Variants in RYR1 observed in about 807,000 individuals in gnomAD.
RYR1 encodes ryanodine receptor 1.
RYR1 carries 342 observed loss-of-function variants against 583.5 expected under a neutral mutation model. That is an observed-to-expected ratio of 0.59 (90% confidence interval 0.54 to 0.64). The LOEUF (loss-of-function observed/expected upper bound fraction) is 0.64, where lower values mean the gene tolerates loss of function less well. Ranked by LOEUF, RYR1 falls within the 30% of genes least tolerant of loss-of-function variation. The probability of loss-of-function intolerance (pLI) is 0.00; values close to 1 mark genes in which losing one functional copy is unlikely to be tolerated. For missense variants in RYR1, 6,032 were observed against 6,917.2 expected (o/e 0.87, Z 4.54); for synonymous variants, 2,791 against 2,822.5 (o/e 0.99, Z 0.35).
intron 105 of RYR1, 137 bp downstream of exon 105, chr19:38,586,713 G>A (rs929366588): frequency 5.8e-6 from 5 of 857,892 alleles, no homozygotes; most frequent in Non-Finnish European, 9.6e-6. Context: ...GCTCACGCCT[G>A]TAATCCCAAC....
chr19:38,538,133 C>T (rs1972054342), intron 84 of RYR1, among the ~76,000 whole-genome samples, 173 bp downstream of exon 84: 1 of 152,172 alleles, frequency 6.6e-6, no homozygotes, highest in Non-Finnish European at 1.5e-5. Context: ...CGCAGTGACT[C>T]AGGCCTATAA....
chr19:38,466,487 C>G (rs1049421380), intron 24 of RYR1, 89 bp downstream of exon 24: 25 of 1,211,160 alleles, frequency 2.1e-5, no homozygotes, highest in Non-Finnish European at 2.9e-5. Context: ...ACTCAGCCCC[C>G]AAATGGGCTA....
rs1438905959 is a variant in RYR1 at position 38,561,089 on chromosome 19, A to G, written c.12283-24A>G. On this transcript the variant is annotated intron_variant, in intron 89 of 105. Coordinates refer to ENST00000359596, the MANE Select transcript of RYR1 (RefSeq NM_000540.3). The surrounding 1 kb of genome is among the most constrained non-coding windows in gnomAD (Gnocchi z 4.8). ...GAATTGAGGCTCTCCAGGTCACCCC[A>G]CTGACCTCCCTGCCCGCCCCCAGGC... The G allele has an allele frequency of 6.3e-7, 1 of 1,590,454 alleles. No individual in the cohort carries two copies. Among genetic ancestry groups the G allele is most frequent in the South Asian group, 1.1e-5 (1 of 90,548 alleles).
At chr19:38,524,318 G>GC (rs56001406) in intron 70 of RYR1, among the ~76,000 whole-genome samples, 151,686 of 151,928 alleles carry the variant, frequency 1, 75,722 homozygotes, top group East Asian at 1. Flanking sequence ...CCCTCGCCGT[G>GC]GATGGTTTAA....
chr19:38,527,952 G>T, intron 73 of RYR1, 168 bp downstream of exon 73: 1 of 720,138 alleles, frequency 1.4e-6, no homozygotes, highest in Non-Finnish European at 2.2e-6. Context: ...CGGGGGAGGG[G>T]TCTGCTGCTT....
intron 96 of RYR1, among the ~76,000 whole-genome samples, chr19:38,575,617 A>G (rs1030661970): frequency 6.6e-6 from 1 of 152,086 alleles, no homozygotes; most frequent in African/African-American, 2.4e-5. Flanking sequence ...AGCCTGGCCA[A>G]CATGGCAAAA....
chr19:38,463,276 C>A, intron 20 of RYR1, 147 bp from the exon 21 acceptor site: 1 of 689,704 alleles, frequency 1.4e-6, no homozygotes, highest in Non-Finnish European at 2.6e-6. Flanking sequence ...GGAGTCAAGG[C>A]GAGGGATGGG....
rs1967928636 is a variant in RYR1, at chr19:38,463,855, G to A, written c.2786+5G>A. On this transcript the variant is annotated splice_donor_5th_base_variant and intron_variant, in intron 22 of 105. Transcript: ENST00000359596. ...GATGTCTGGGGAGACGCTCAAGTGA[G>A]GGCCCAGGGGAGCCGGGGGTTGGGG... is the stretch of plus-strand genomic sequence containing the variant. The A allele has an allele frequency of 6.2e-7, 1 of 1,612,212 alleles. No homozygotes were observed. Among genetic ancestry groups the A allele is most frequent in the Non-Finnish European group, 8.5e-7 (1 of 1,178,452 alleles).
chr19:38,467,840 C>T, intron 25 of RYR1, 28 bp downstream of exon 25: 1 of 1,608,790 alleles, frequency 6.2e-7, no homozygotes, highest in Non-Finnish European at 8.5e-7. Context: ...CACCATTCTG[C>T]CAGGTCCTGT....
Position 38,496,488 on chromosome 19 carries a change from G to A in RYR1, c.6743G>A (p.Arg2248His), listed in dbSNP as rs140152019. Residue 2248 changes from arginine (R) to histidine (H), a missense_variant, in exon 41 of 106, where the codon CGC (arginine) becomes CAC (histidine). Arg to His is a conservative substitution (Grantham distance 29, BLOSUM62 0). Coordinates refer to ENST00000359596, the MANE Select transcript of RYR1 (RefSeq NM_000540.3). This position sits in a 1 kb window ranked among gnomAD's most constrained non-coding sequence, Gnocchi z 4.8. ...TGCCGAATCAGCCGGCAGAACCAGC[G>A]CTCCATGTTTGACCACCTGAGCTAC... ...YFCRISRQNQ[R>H]SMFDHLSYLL... 1.6e-5 allele frequency: 26 copies of A among 1,613,526 alleles called. No homozygotes were observed. The highest frequency in any genetic ancestry group is 4.5e-5 in the East Asian group (2 of 44,880).
At chr19:38,527,953 T>C in intron 73 of RYR1, 169 bp downstream of exon 73, 9 of 573,900 alleles carry the variant, frequency 1.6e-5, no homozygotes, top group Non-Finnish European at 2.0e-5. Context: ...GGGGGAGGGG[T>C]CTGCTGCTTA....
intron 23 of RYR1, among the ~76,000 whole-genome samples, chr19:38,465,104 C>T (rs778523019): frequency 2.6e-5 from 4 of 152,094 alleles, no homozygotes; most frequent in African/African-American, 7.2e-5. Context: ...AGCAGTTACA[C>T]GTCCTGAGTT....
At chr19:38,464,582 G>T (rs1967987635) in intron 22 of RYR1, 57 bp from the exon 23 acceptor site, 10 of 1,458,244 alleles carry the variant, frequency 6.9e-6, no homozygotes, top group African/African-American at 1.4e-5. Context: ...CGTGGGAGGA[G>T]ACGGGGCAGG....
rs1321813445 is a variant in RYR1 at position 38,534,687 on chromosome 19, G to A, written c.11260-33G>A. 3 of 1,590,848 alleles carry A rather than the reference G, an allele frequency of 1.9e-6. No homozygotes were observed. The African/African-American group carries it at 4.0e-5, about 21-fold the overall frequency. ...GGGAAAGGCTGGGCTGGAAAGCCTG[G>A]ACTTGCCTTCATGTGTCTGCCTCCC... On this transcript the variant is annotated intron_variant, in intron 78 of 105. Transcript: ENST00000359596.
At chr19:38,505,112 C>T (rs761938539) in intron 52 of RYR1, 31 bp downstream of exon 52, 12 of 1,589,414 alleles carry the variant, frequency 7.5e-6, no homozygotes, top group South Asian at 1.1e-5. Flanking sequence ...ATCCAAGAAA[C>T]CCTCAAGACC....
chr19:38,477,594 A>G (rs1968797808), intron 29 of RYR1, 116 bp from the exon 30 acceptor site: 1 of 1,317,880 alleles, frequency 7.6e-7, no homozygotes. Flanking sequence ...AGATCCAACA[A>G]CTTCCTGTTA....
At position 38,433,714 on chromosome 19, in the gene RYR1, G is replaced by A; in HGVS notation, c.-116G>A. On this transcript the variant is annotated 5_prime_UTR_variant, in exon 1 of 106. Transcript: ENST00000359596. ...TCGCAGTTCCATCTACCTCGCGGGT[G>A]CCTCTGGTGTCTCCAGAGGTCTCCG... is the stretch of plus-strand genomic sequence containing the variant. 1 of 784,174 alleles carries A rather than the reference G, an allele frequency of 1.3e-6. No individual in the cohort carries two copies. The highest frequency in any genetic ancestry group is 2.2e-6 in the Non-Finnish European group (1 of 454,530). The allele number at this position is 784,174 out of a possible 1,614,324, so 48.6% of individuals were successfully genotyped here.
rs1179999411 is a variant in RYR1, at chr19:38,453,020, G to A, written c.1440+6G>A. On this transcript the variant is annotated splice_donor_region_variant and intron_variant, in intron 13 of 105. Transcript: ENST00000359596. ...AGAGCCTCTTCCAGGAGGAGGTGAG[G>A]ACGTGGCGAGGGCGGAGCGGGGCCT... is the stretch of plus-strand genomic sequence containing the variant. 19 of 1,613,226 alleles carry A rather than the reference G, an allele frequency of 1.2e-5. No individual in the cohort carries two copies. The highest frequency in any genetic ancestry group is 1.4e-5 in the Non-Finnish European group (17 of 1,179,634).
rs762932739 is a variant in RYR1 at position 38,466,087 on chromosome 19, G to C, written c.2871-4G>C. ...TGTCCCATGGAGCCCTACCATGCCCGCAGGTATATGATGAGCAATGGGTAC... is the reference window on the plus strand; with the variant it reads ...TGTCCCATGGAGCCCTACCATGCCCCCAGGTATATGATGAGCAATGGGTAC... On this transcript the variant is annotated splice_polypyrimidine_tract_variant and splice_region_variant and intron_variant, in intron 23 of 105. Coordinates refer to ENST00000359596, the MANE Select transcript of RYR1 (RefSeq NM_000540.3). The C allele has an allele frequency of 1.9e-6, 3 of 1,606,398 alleles. No homozygotes were observed. Among genetic ancestry groups the C allele is most frequent in the Non-Finnish European group, 8.5e-7 (1 of 1,177,006 alleles).
Sources: allele counts gnomAD v4.1 joint callset (sites outside exome capture counted in the v4.1 genomes callset), GRCh38; gene constraint gnomAD v4.1.1; non-coding constraint Gnocchi (gnomAD v3.1); transcripts MANE v1.5; gene names NCBI Gene and HGNC (gene_info 2026-07-23, HGNC 2026-07-21).